The following SIMC1 variants were observed in gnomAD, a reference collection of about 807,000 sequenced individuals.
SIMC1 encodes the protein SUMO interacting motifs containing 1, also known as SUMO-interacting motif-containing protein 1.
In SIMC1, 55 loss-of-function variants were observed where a neutral mutation model predicts 82.3. The observed-to-expected ratio is 0.67, with a 90% CI of 0.54 to 0.84. The LOEUF is 0.84. SIMC1 is among the 40% of genes least tolerant of loss of function. The pLI is 0.00. For missense variants in SIMC1, 915 were observed against 1,107.2 expected, an observed-to-expected ratio of 0.83 and a Z score of 2.46; for synonymous variants, 353 against 426.3, an observed-to-expected ratio of 0.83 and a Z score of 2.12.
chr5:176,285,103 TAGAAAA>T (rs1308223209), intron 1 of SIMC1, among the ~76,000 whole-genome samples: 1 of 152,104 alleles, frequency 6.6e-6, no homozygotes, highest in Admixed American at 6.6e-5. Flanking sequence ...TTCCAATTGA[TAGAAAA>T]AGAGGGAATC....
At chr5:176,269,244 C>G (rs1397236519) in intron 1 of SIMC1, among the ~76,000 whole-genome samples, 1 of 151,778 alleles carries the variant, frequency 6.6e-6, no homozygotes, top group East Asian at 1.9e-4. Flanking sequence ...AAATAGGAAA[C>G]AGATTAAAAA....
chr5:176,287,693 T>A (rs1763357096), intron 1 of SIMC1, among the ~76,000 whole-genome samples: 6 of 143,996 alleles, frequency 4.2e-5, no homozygotes, highest in South Asian at 2.2e-4. Context: ...AAAAATAAAA[T>A]AAATTGAAAG....
At chr5:176,335,371 G>A (rs1765847395) in intron 7 of SIMC1, among the ~76,000 whole-genome samples, 1 of 145,616 alleles carries the variant, frequency 6.9e-6, no homozygotes, top group African/African-American at 2.5e-5. Context: ...CGGCCTCCCA[G>A]GTTCAAGCGA....
chr5:176,340,873 G>T (rs192339405), intron 9 of SIMC1, among the ~76,000 whole-genome samples: 1 of 152,332 alleles, frequency 6.6e-6, no homozygotes, highest in South Asian at 2.1e-4. Flanking sequence ...TAGGCGGGGC[G>T]CAAGGGCTCA....
Position 176,337,076 on chromosome 5 carries a change from GTGGCAGACT to G in SIMC1, c.2347_2355del (p.Gln783_Trp785del), listed in dbSNP as rs770501978. On this transcript the variant is annotated inframe_deletion, in exon 9 of 10. Coordinates refer to ENST00000429602, the MANE Select transcript of SIMC1 (RefSeq NM_001308195.2). ...TATCTCTGCAGTCAGATAAAAGCCA[GTGGCAGACT>G]TGGGACGAATTGGTTGAGCATCTGC... is the stretch of plus-strand genomic sequence containing the variant. 6.2e-7 allele frequency: 1 copy of G among 1,614,012 alleles called. No individual in the cohort carries two copies. The highest frequency in any genetic ancestry group is 1.1e-5 in the South Asian group (1 of 91,072).
chr5:176,345,498 T>A lies in SIMC1; in HGVS notation c.*53T>A. 2 of 1,546,816 alleles carry A rather than the reference T, an allele frequency of 1.3e-6. No individual in the cohort carries two copies. The highest frequency in any genetic ancestry group is 2.5e-5 in the South Asian group (2 of 80,350). ...ATACCTCCTGAACTCTCTCTCCAAC[T>A]GCTCAGAAGCTCTAAAAGCATGAAA... On this transcript the variant is annotated 3_prime_UTR_variant, in exon 10 of 10. Transcript: ENST00000429602.
At chr5:176,338,674 TGAA>T (rs1766006263) in intron 9 of SIMC1, among the ~76,000 whole-genome samples, 1 of 151,936 alleles carries the variant, frequency 6.6e-6, no homozygotes, top group Non-Finnish European at 1.5e-5. Context: ...AGTATACAAG[TGAA>T]ATACACCTGC....
intron 1 of SIMC1, among the ~76,000 whole-genome samples, chr5:176,280,863 A>G (rs1762973301): frequency 6.6e-6 from 1 of 151,688 alleles, no homozygotes. Context: ...TGCCCTTAAC[A>G]TTTTTTCCTT....
At chr5:176,297,192 A>C (rs1229681545) in intron 4 of SIMC1, among the ~76,000 whole-genome samples, 1 of 152,120 alleles carries the variant, frequency 6.6e-6, no homozygotes, top group Admixed American at 6.5e-5. Context: ...AAAGTCACAG[A>C]ATGTATTGTC....
chr5:176,308,149 A>G, intron 4 of SIMC1: 1 of 1,076,050 alleles, frequency 9.3e-7, no homozygotes, highest in Non-Finnish European at 1.4e-6. Context: ...CTCTGAGCAC[A>G]GAGAAGGAGG....
intron 1 of SIMC1, among the ~76,000 whole-genome samples, chr5:176,246,406 G>GT: frequency 2.1e-5 from 3 of 140,998 alleles, no homozygotes; most frequent in African/African-American, 8.3e-5. Context: ...AATAGTTCAG[G>GT]GGTGTGTGTG....
intron 4 of SIMC1, chr5:176,308,503 A>C: frequency 6.2e-7 from 1 of 1,606,998 alleles, no homozygotes; most frequent in Non-Finnish European, 8.5e-7. Context: ...ATGATGGATC[A>C]AGGCTTTGTA....
intron 1 of SIMC1, among the ~76,000 whole-genome samples, chr5:176,264,862 T>A (rs1324052045): frequency 1.3e-5 from 2 of 152,152 alleles, no homozygotes; most frequent in Non-Finnish European, 2.9e-5. Flanking sequence ...CCTCAGCTGG[T>A]GCAATTAGTT....
intron 1 of SIMC1, among the ~76,000 whole-genome samples, chr5:176,252,834 C>G (rs981125189): frequency 6.6e-6 from 1 of 152,216 alleles, no homozygotes; most frequent in Non-Finnish European, 1.5e-5. Flanking sequence ...TGCCACTGCA[C>G]TCCAGCCTGG....
chr5:176,274,908 C>T (rs552087924), intron 1 of SIMC1, among the ~76,000 whole-genome samples: 9 of 151,914 alleles, frequency 5.9e-5, no homozygotes, highest in African/African-American at 1.9e-4. Flanking sequence ...AGTCAGGTAG[C>T]GTGATGCCTC....
Position 176,313,844 on chromosome 5 carries a change from A to G in SIMC1, c.1888A>G (p.Arg630Gly), listed in dbSNP as rs1764781903. The G allele has an allele frequency of 2.5e-6, 4 of 1,613,302 alleles. No homozygotes were observed. The highest frequency in any genetic ancestry group is 2.5e-6 in the Non-Finnish European group (3 of 1,179,824). ...LSCDKQPHNVRDVIKWLVKAV... is the reference protein window; with the variant it reads ...LSCDKQPHNVGDVIKWLVKAV... ...CTGTGACAAGCAGCCCCACAATGTC[A>G]GGTAAGCAGCCACCTGAGCCCTCGG... is the stretch of plus-strand genomic sequence containing the variant. The change falls in exon 5 of 10, where the codon AGG becomes GGG. Residue 630 changes from arginine to glycine, a missense_variant and splice_region_variant. This residue lies in a region of SIMC1 where 902 missense variants were observed against 1,040.3 expected (regional missense o/e 0.87). Coordinates refer to ENST00000429602, the MANE Select transcript of SIMC1 (RefSeq NM_001308195.2).
chr5:176,317,600 T>C (rs545056325), intron 5 of SIMC1, among the ~76,000 whole-genome samples: 1 of 152,310 alleles, frequency 6.6e-6, no homozygotes, highest in East Asian at 1.9e-4. Context: ...TGCCAGCCTC[T>C]ATATCATTAA....
chr5:176,272,403 A>C (rs1463738794), intron 1 of SIMC1, among the ~76,000 whole-genome samples: 1 of 151,904 alleles, frequency 6.6e-6, no homozygotes, highest in Non-Finnish European at 1.5e-5. Context: ...AAACATACAG[A>C]TTGGAAAGGA....
chr5:176,311,566 GAGAA>G (rs1179237366), intron 4 of SIMC1, among the ~76,000 whole-genome samples: 1 of 151,272 alleles, frequency 6.6e-6, no homozygotes, highest in Non-Finnish European at 1.5e-5. Flanking sequence ...AAAAAAAAGA[GAGAA>G]AGAATTATTT....
Sources: allele counts gnomAD v4.1 joint callset (sites outside exome capture counted in the v4.1 genomes callset), GRCh38; gene constraint gnomAD v4.1.1; regional missense constraint gnomAD v4.1.1; transcripts MANE v1.5; gene names NCBI Gene and HGNC (gene_info 2026-07-23, HGNC 2026-07-21).